SLC44A2: variants seen among roughly 807,000 people sequenced by gnomAD.
The protein encoded by SLC44A2 is choline transporter-like protein 2.
A neutral mutation model predicts 90.8 loss-of-function variants in SLC44A2; 57 were observed. That is an observed-to-expected ratio of 0.63 (90% CI 0.51 to 0.78). The LOEUF is 0.78. SLC44A2 is among the 30% of genes least tolerant of loss of function. SLC44A2 has a pLI of 0.00. For synonymous variants in SLC44A2, 355 were observed against 360.7 expected (o/e 0.98, Z 0.18); for missense variants, 794 against 919.7 (o/e 0.86, Z 1.77).
intron 1 of SLC44A2, among the ~76,000 whole-genome samples, chr19:10,609,588 C>G (rs1174056149): frequency 1.3e-5 from 2 of 152,168 alleles, no homozygotes; most frequent in African/African-American, 4.8e-5. Context: ...GCAAGAGCCA[C>G]TGTGCCTGGC....
chr19:10,639,998 T>C (rs1433921277), intron 20 of SLC44A2, among the ~76,000 whole-genome samples: 1 of 151,450 alleles, frequency 6.6e-6, no homozygotes, highest in Non-Finnish European at 1.5e-5. Context: ...TTGACCTAGT[T>C]TCTTATTTTA....
Position 10,639,101 on chromosome 19 carries a change from T to A in SLC44A2, c.1929+786T>A, listed in dbSNP as rs1471165346. Among the ~76,000 whole-genome samples, 3 of 152,120 alleles carry A rather than the reference T, an allele frequency of 2.0e-5. No homozygotes were observed. The East Asian group carries it at 5.8e-4, about 29-fold the overall frequency. On this transcript the variant is annotated intron_variant, in intron 20 of 21. Coordinates refer to ENST00000335757, the MANE Select transcript of SLC44A2 (RefSeq NM_020428.4). Reference sequence around the variant, plus strand: ...GGCGTGAACCACCACACCTGGCTAATTTTTGTATATTTAATAGAGATGGGG... The same window carrying A: ...GGCGTGAACCACCACACCTGGCTAAATTTTGTATATTTAATAGAGATGGGG...
In SLC44A2 at chr19:10,631,117, G is replaced by A; in HGVS notation, c.306G>A (p.Leu102=). The change falls in exon 5 of 22, where the codon CTG becomes CTA. Residue 102 remains leucine, a synonymous_variant. Coordinates refer to ENST00000335757, the MANE Select transcript of SLC44A2 (RefSeq NM_020428.4). ...IVKCASPLVL[L]EFQCPTPQIC... is the part of the protein sequence containing the mutation. ...AATGTGCCAGCCCCCTGGTTCTGCTGGAATTCCAATGTCCCACTCCCCAGG... is the reference window on the plus strand; with the variant it reads ...AATGTGCCAGCCCCCTGGTTCTGCTAGAATTCCAATGTCCCACTCCCCAGG... 1 of 1,613,984 alleles carries A rather than the reference G, an allele frequency of 6.2e-7. No homozygotes were observed. Among genetic ancestry groups the A allele is most frequent in the East Asian group, 2.2e-5 (1 of 44,878 alleles).
upstream of SLC44A2, among the ~76,000 whole-genome samples, chr19:10,624,061 G>A (rs1433427101): frequency 6.7e-6 from 1 of 150,018 alleles, no homozygotes; most frequent in Non-Finnish European, 1.5e-5. Flanking sequence ...GCAGTGGCAC[G>A]ATCTCGGCTC....
In SLC44A2 at chr19:10,630,329, C is replaced by T. The variant is rs534145878; in HGVS notation, c.246-728C>T. Among the ~76,000 whole-genome samples, 63 of 150,574 alleles carry T rather than the reference C, an allele frequency of 4.2e-4. No individual in the cohort carries two copies. The South Asian group carries it at 6.5e-3, about 16-fold the overall frequency. On this transcript the variant is annotated intron_variant, in intron 4 of 21. Transcript: ENST00000335757. The stretch of plus-strand genomic sequence containing the variant: ...TGTGCCACTGCTCGCTCTGTCTGGG[C>T]AACAGAGAAAGACTCTTGTCTCAAA...
Position 10,604,081 on chromosome 19 carries a change from G to A in SLC44A2, c.31+1520G>A, listed in dbSNP as rs577663257. Among the ~76,000 whole-genome samples, 6 of 152,272 alleles carry A rather than the reference G, an allele frequency of 3.9e-5. No individual in the cohort carries two copies. The South Asian group carries it at 6.2e-4, about 16-fold the overall frequency. ...CAATCAACAAATATTTATTGAGCAC[G>A]ATTTAGGCAGGGGTCTAGACACTGG... On this transcript the variant is annotated intron_variant, in intron 1 of 21. Coordinates refer to the SLC44A2 transcript ENST00000407327.
At chr19:10,640,825 C>A (rs1198382334) in intron 20 of SLC44A2, among the ~76,000 whole-genome samples, 1 of 152,112 alleles carries the variant, frequency 6.6e-6, no homozygotes, top group Non-Finnish European at 1.5e-5. Flanking sequence ...GTGGCCCACA[C>A]CTGTAATCCC....
chr19:10,637,398 T>TG (rs2067069552), intron 16 of SLC44A2: 1 of 500,662 alleles, frequency 2.0e-6, no homozygotes. Flanking sequence ...GGAAGGGCTC[T>TG]GGGGCTGGGA....
chr19:10,643,077 A>G, intron 21 of SLC44A2: 1 of 1,242,450 alleles, frequency 8.0e-7, no homozygotes, highest in South Asian at 1.5e-5. Context: ...GGGGTGCATG[A>G]AGCGGGGGGG....
chr19:10,612,452 A>C (rs1245445482), intron 1 of SLC44A2, among the ~76,000 whole-genome samples: 1 of 152,168 alleles, frequency 6.6e-6, no homozygotes, highest in East Asian at 1.9e-4. Context: ...AGCATACAGT[A>C]GGCGCTCTAT....
upstream of SLC44A2, among the ~76,000 whole-genome samples, chr19:10,624,886 G>A (rs2066917717): frequency 6.6e-6 from 1 of 152,180 alleles, no homozygotes; most frequent in Non-Finnish European, 1.5e-5. Context: ...GGTAATCCCA[G>A]CACTTTGGGG....
At chr19:10,626,408 G>T in intron 2 of SLC44A2, 107 bp downstream of exon 2, 2 of 906,866 alleles carry the variant, frequency 2.2e-6, no homozygotes, top group South Asian at 1.4e-5. Flanking sequence ...ACAAATATTT[G>T]AAACTTTTTT....
chr19:10,636,243 G>T, intron 14 of SLC44A2, 80 bp from the exon 15 acceptor site: 1 of 1,500,278 alleles, frequency 6.7e-7, no homozygotes. Context: ...TGGTTTTCCT[G>T]GCCCCACACC....
chr19:10,638,364 G>A, intron 20 of SLC44A2, 49 bp downstream of exon 20: 1 of 1,542,708 alleles, frequency 6.5e-7, no homozygotes, highest in Admixed American at 1.7e-5. Flanking sequence ...AGAGGTGTTG[G>A]GATTTGCTTG....
chr19:10,627,733 A>AT lies in SLC44A2; in HGVS notation c.99dup (p.Ile34TyrfsTer35). On this transcript the variant is annotated frameshift_variant, in exon 3 of 22. Transcript: ENST00000335757. LOFTEE classifies it high-confidence loss of function. ...CCTCTGCTCCCCAGGGGCTGCACGGATATCATATGCTGTGTGTTCCTGCTC... is the reference window on the plus strand; with the variant it reads ...CCTCTGCTCCCCAGGGGCTGCACGGATTATCATATGCTGTGTGTTCCTGCTC... 6.2e-7 allele frequency: 1 copy of AT among 1,613,342 alleles called. No homozygotes were observed. Among genetic ancestry groups the AT allele is most frequent in the Admixed American group, 1.7e-5 (1 of 59,978 alleles).
intron 1 of SLC44A2, among the ~76,000 whole-genome samples, chr19:10,618,580 C>T (rs1321390376): frequency 2.7e-5 from 4 of 148,826 alleles, no homozygotes; most frequent in Non-Finnish European, 4.5e-5. Context: ...CCCTGGTTCA[C>T]GCCATTCTCC....
chr19:10,633,274 C>T (rs920559228), intron 10 of SLC44A2, among the ~76,000 whole-genome samples: 2 of 151,916 alleles, frequency 1.3e-5, no homozygotes, highest in African/African-American at 4.8e-5. Context: ...AAGCAATTTT[C>T]CTACCTCGCC....
At chr19:10,628,045 G>T in intron 4 of SLC44A2, 41 bp downstream of exon 4, 1 of 1,542,962 alleles carries the variant, frequency 6.5e-7, no homozygotes, top group Non-Finnish European at 8.9e-7. Flanking sequence ...TGGGGAAGAG[G>T]GGGCAGAAGA....
upstream of SLC44A2, chr19:10,625,538 G>A (rs1299770901): frequency 8.1e-7 from 1 of 1,229,096 alleles, no homozygotes; most frequent in East Asian, 3.2e-5. Context: ...AGGAGCCGCC[G>A]CCAGTCGCGC....
Sources: gnomAD v4.1 joint callset for allele counts (sites outside exome capture counted in the v4.1 genomes callset) on GRCh38, gnomAD v4.1.1 for gene constraint, MANE v1.5 for transcripts, NCBI Gene and HGNC (gene_info 2026-07-23, HGNC 2026-07-21) for gene names.